Variants in CALCRL observed in about 807,000 individuals in gnomAD.
CALCRL encodes calcitonin gene-related peptide type 1 receptor.
Under a neutral mutation model 60.4 loss-of-function variants are expected in CALCRL, and 27 were observed. That is an observed-to-expected ratio of 0.45 (90% CI 0.33 to 0.62). The LOEUF (loss-of-function observed/expected upper bound fraction) is 0.62, where lower values mean the gene tolerates loss of function less well. Among genes scored for constraint, CALCRL ranks in the 20% least tolerant of loss-of-function variants. The pLI is 0.03. For missense variants in CALCRL, 424 were observed against 540.7 expected (o/e 0.78, Z 2.14); for synonymous variants, 190 against 182.6 (o/e 1.04, Z -0.33).
At chr2:187,356,017 A>T (rs773549711) in intron 12 of CALCRL, among the ~76,000 whole-genome samples, 1 of 152,162 alleles carries the variant, frequency 6.6e-6, no homozygotes, top group Non-Finnish European at 1.5e-5. Flanking sequence ...AAACAAATGA[A>T]AAAACATTCC....
intron 1 of CALCRL, among the ~76,000 whole-genome samples, chr2:187,413,477 A>G (rs1048512554): frequency 2.0e-5 from 3 of 152,158 alleles, no homozygotes; most frequent in African/African-American, 7.2e-5. Flanking sequence ...CTTCCCTCCC[A>G]TATGAGAAAA....
At chr2:187,398,443 T>C (rs1688749020) in intron 1 of CALCRL, among the ~76,000 whole-genome samples, 1 of 151,664 alleles carries the variant, frequency 6.6e-6, no homozygotes, top group African/African-American at 2.4e-5. Flanking sequence ...AAATAAAATT[T>C]ATATGGCACC....
intron 8 of CALCRL, 98 bp from the exon 9 acceptor site, chr2:187,363,600 C>G (rs1356047098): frequency 6.5e-6 from 8 of 1,225,694 alleles, no homozygotes; most frequent in African/African-American, 3.1e-5. Flanking sequence ...GCAGCTGATC[C>G]ACTTTTGAAA....
chr2:187,434,557 T>C (rs1690549450), intron 1 of CALCRL, among the ~76,000 whole-genome samples: 1 of 152,144 alleles, frequency 6.6e-6, no homozygotes, highest in African/African-American at 2.4e-5. Context: ...TAAATTGGCA[T>C]AAGCATTTTG....
At chr2:187,383,657 A>G (rs1466693900) in intron 4 of CALCRL, among the ~76,000 whole-genome samples, 1 of 152,102 alleles carries the variant, frequency 6.6e-6, no homozygotes, top group East Asian at 1.9e-4. Flanking sequence ...TCCTGGCTCT[A>G]TGAATGAAGG....
chr2:187,419,646 C>T (rs1298275457), intron 1 of CALCRL, among the ~76,000 whole-genome samples: 1 of 152,130 alleles, frequency 6.6e-6, no homozygotes, highest in African/African-American at 2.4e-5. Flanking sequence ...TAATTTTAAA[C>T]ACTTCCTTAT....
At chr2:187,348,452 T>G (rs2105686106) in intron 14 of CALCRL, among the ~76,000 whole-genome samples, 1 of 151,830 alleles carries the variant, frequency 6.6e-6, no homozygotes, top group South Asian at 2.1e-4. Context: ...TAAAAAATTC[T>G]ATATAAAGTA....
intron 1 of CALCRL, among the ~76,000 whole-genome samples, chr2:187,442,370 T>C (rs978994812): frequency 6.6e-6 from 1 of 151,338 alleles, no homozygotes; most frequent in African/African-American, 2.4e-5. Flanking sequence ...TGAATGTATT[T>C]TTTTTTAATT....
rs781563316 is a variant in CALCRL, at chr2:187,360,586, A to G, written c.781+12T>C. The G allele has an allele frequency of 3.7e-6, 6 of 1,603,656 alleles. No homozygotes were observed. The Admixed American group carries it at 8.6e-5, about 23-fold the overall frequency. On this transcript the variant is annotated intron_variant, in intron 10 of 14. Coordinates refer to ENST00000392370, the MANE Select transcript of CALCRL (RefSeq NM_005795.6). ...ATCCACTGAATCAACAAGTATGTAT[A>G]ATAACACTTACCCCAGCCAAGAAAA...
chr2:187,399,650 A>G (rs2105820318), intron 1 of CALCRL, among the ~76,000 whole-genome samples: 1 of 151,670 alleles, frequency 6.6e-6, no homozygotes, highest in Non-Finnish European at 1.5e-5. Flanking sequence ...CTCAATAATA[A>G]AAAGAAAAAC....
intron 1 of CALCRL, among the ~76,000 whole-genome samples, chr2:187,421,618 G>A (rs545727217): frequency 6.6e-6 from 1 of 152,306 alleles, no homozygotes; most frequent in South Asian, 2.1e-4. Context: ...CTCTTGGGCT[G>A]CCAGAGTCCT....
chr2:187,423,623 G>A (rs1689990828), intron 1 of CALCRL, among the ~76,000 whole-genome samples: 2 of 151,998 alleles, frequency 1.3e-5, no homozygotes, highest in African/African-American at 4.8e-5. Flanking sequence ...GTGTGTGATA[G>A]TGTTTGAAGT....
chr2:187,444,848 A>T (rs961049650), intron 1 of CALCRL, among the ~76,000 whole-genome samples: 1 of 151,492 alleles, frequency 6.6e-6, no homozygotes, highest in Non-Finnish European at 1.5e-5. Flanking sequence ...AGATTAATTG[A>T]CCTAATCTAA....
rs556723970 is a variant in CALCRL at position 187,345,141 on chromosome 2, C to G, written c.*1043G>C. On this transcript the variant is annotated 3_prime_UTR_variant, in exon 15 of 15. Coordinates refer to ENST00000392370, the MANE Select transcript of CALCRL (RefSeq NM_005795.6). ...CTCTATTTTATTTAAAAAATCAGCC[C>G]AGATACAGTATCAGATATTAACATA... 6.6e-6 allele frequency: 1 copy of G among 152,060 alleles called. No homozygotes were observed. Among genetic ancestry groups the G allele is most frequent in the African/African-American group, 2.4e-5 (1 of 41,436 alleles). The allele number at this position is 152,060 out of a possible 1,614,324, so 9.4% of individuals were successfully genotyped here.
intron 1 of CALCRL, among the ~76,000 whole-genome samples, chr2:187,419,879 T>C (rs1054327634): frequency 2.0e-5 from 3 of 152,178 alleles, no homozygotes; most frequent in Non-Finnish European, 4.4e-5. Context: ...ATTATGCCAT[T>C]ATAAATAGCA....
intron 1 of CALCRL, among the ~76,000 whole-genome samples, chr2:187,416,267 A>G (rs1196644129): frequency 6.6e-6 from 1 of 152,220 alleles, no homozygotes; most frequent in African/African-American, 2.4e-5. Context: ...ATGGTAATCT[A>G]ATAAAGTAAT....
At chr2:187,432,463 T>A (rs951891985) in intron 1 of CALCRL, among the ~76,000 whole-genome samples, 3 of 152,104 alleles carry the variant, frequency 2.0e-5, no homozygotes, top group Non-Finnish European at 4.4e-5. Flanking sequence ...CTATTGCCAA[T>A]AATTTCTTTA....
rs931692623 is a variant in CALCRL at position 187,343,600 on chromosome 2, A to T, written c.*2584T>A. On this transcript the variant is annotated 3_prime_UTR_variant, in exon 15 of 15. Transcript: ENST00000392370. Reference sequence around the variant, plus strand: ...AATGCATTGGAAATTAACTTTAGGAAATAAAATGACAAATTAGAATTTAGA... The same window carrying T: ...AATGCATTGGAAATTAACTTTAGGATATAAAATGACAAATTAGAATTTAGA... 3 of 151,892 alleles carry T rather than the reference A, an allele frequency of 2.0e-5. No homozygotes were observed. The highest frequency in any genetic ancestry group is 7.2e-5 in the African/African-American group (3 of 41,404). The allele number at this position is 151,892 out of a possible 1,614,324, so 9.4% of individuals were successfully genotyped here.
Position 187,367,496 on chromosome 2 carries a change from C to T in CALCRL, c.501-3994G>A, listed in dbSNP as rs191832781. Among the ~76,000 whole-genome samples, 122 of 152,190 alleles carry T rather than the reference C, an allele frequency of 8.0e-4. 1 individual carries two copies. In the East Asian group the frequency reaches 0.02, roughly 25 times the overall value. On this transcript the variant is annotated intron_variant, in intron 8 of 14. Transcript: ENST00000392370. ...CATATTGTTTCCTTCTAAACATATTCATTAACACATGTAAGTAGATTGGTA... is the reference window on the plus strand; with the variant it reads ...CATATTGTTTCCTTCTAAACATATTTATTAACACATGTAAGTAGATTGGTA...
Sources: gnomAD v4.1 joint callset for allele counts (sites outside exome capture counted in the v4.1 genomes callset) on GRCh38, gnomAD v4.1.1 for gene constraint, MANE v1.5 for transcripts, NCBI Gene and HGNC (gene_info 2026-07-23, HGNC 2026-07-21) for gene names.